Variants in DOCK3 observed in about 807,000 individuals in gnomAD.
DOCK3 encodes the protein dedicator of cytokinesis 3, also known as dedicator of cytokinesis protein 3.
DOCK3 carries 60 observed loss-of-function variants against 265.6 expected under a neutral mutation model. The observed-to-expected ratio is 0.23, with a 90% CI of 0.18 to 0.28. The LOEUF (loss-of-function observed/expected upper bound fraction) is 0.28, where lower values mean the gene tolerates loss of function less well. DOCK3 is among the 10% of genes least tolerant of loss of function. DOCK3 has a pLI of 1.00. For missense variants in DOCK3, 1,981 were observed against 2,594.3 expected (o/e 0.76, Z 5.14); for synonymous variants, 881 against 938.0 (o/e 0.94, Z 1.11).
At chr3:50,788,055 GTTC>G in intron 2 of DOCK3, 3 of 741,902 alleles carry the variant, frequency 4.0e-6, no homozygotes, top group South Asian at 1.7e-5. Context: ...AAATGTGGCT[GTTC>G]TTCTGTTTCA....
intron 1 of DOCK3, among the ~76,000 whole-genome samples, chr3:50,738,632 A>G (rs1196021940): frequency 6.6e-6 from 1 of 152,180 alleles, no homozygotes; most frequent in Non-Finnish European, 1.5e-5. Flanking sequence ...AGTGATTTGG[A>G]GGCATTATCC....
At chr3:50,779,044 T>C (rs2041770519) in intron 2 of DOCK3, among the ~76,000 whole-genome samples, 1 of 152,212 alleles carries the variant, frequency 6.6e-6, no homozygotes, top group Admixed American at 6.5e-5. Context: ...AGATATACAA[T>C]GTGTAATAAT....
intron 12 of DOCK3, among the ~76,000 whole-genome samples, chr3:51,168,762 A>G (rs544238616): frequency 1.3e-5 from 2 of 152,340 alleles, no homozygotes; most frequent in South Asian, 4.1e-4. Context: ...TAAACTAGAG[A>G]GTCTGCATGG....
intron 40 of DOCK3, 140 bp from the exon 41 acceptor site, chr3:51,354,742 A>C: frequency 7.6e-7 from 1 of 1,313,416 alleles, no homozygotes; most frequent in Middle Eastern, 2.1e-4. Flanking sequence ...CTTGAGTGCA[A>C]TGCCCTGTGC....
chr3:51,193,233 T>C (rs768772070), intron 12 of DOCK3, among the ~76,000 whole-genome samples: 2 of 152,258 alleles, frequency 1.3e-5, no homozygotes, highest in African/African-American at 4.8e-5. Flanking sequence ...GATTTACTTA[T>C]GTTGAACCAT....
chr3:51,074,721 C>T (rs2081993122), intron 6 of DOCK3, among the ~76,000 whole-genome samples: 1 of 152,010 alleles, frequency 6.6e-6, no homozygotes, highest in Admixed American at 6.6e-5. Flanking sequence ...ATAGCTAATA[C>T]ATTCTGGGCT....
intron 12 of DOCK3, among the ~76,000 whole-genome samples, chr3:51,180,027 G>A (rs923200938): frequency 2.0e-5 from 3 of 151,932 alleles, no homozygotes; most frequent in Non-Finnish European, 2.9e-5. Context: ...GGCCAACATG[G>A]CAAAACCCCA....
intron 38 of DOCK3, among the ~76,000 whole-genome samples, chr3:51,344,201 A>G (rs2085414502): frequency 6.6e-6 from 1 of 152,232 alleles, no homozygotes; most frequent in Non-Finnish European, 1.5e-5. Context: ...CTAATATGTA[A>G]TGTGCAAACA....
At chr3:50,890,110 T>C in intron 4 of DOCK3, 29 bp downstream of exon 4, 1 of 1,403,840 alleles carries the variant, frequency 7.1e-7, no homozygotes, top group Non-Finnish European at 9.2e-7. Flanking sequence ...TAAATTTATG[T>C]ACAATTTTTA....
intron 2 of DOCK3, among the ~76,000 whole-genome samples, chr3:50,814,695 C>A (rs997699972): frequency 3.9e-5 from 6 of 152,090 alleles, no homozygotes; most frequent in African/African-American, 1.2e-4. Context: ...TATAAAATGC[C>A]TTTTCTCTTT....
intron 1 of DOCK3, among the ~76,000 whole-genome samples, chr3:50,678,417 T>C (rs2034142767): frequency 6.6e-6 from 1 of 152,130 alleles, no homozygotes; most frequent in Admixed American, 6.6e-5. Context: ...GTACCCAGAG[T>C]ACCAAATATA....
At chr3:51,371,272 C>T (rs2087658692) in intron 49 of DOCK3, among the ~76,000 whole-genome samples, 1 of 152,174 alleles carries the variant, frequency 6.6e-6, no homozygotes, top group African/African-American at 2.4e-5. Context: ...CTGAGAGAAG[C>T]CCCTTCCCTT....
chr3:50,816,231 T>C (rs1325410118), intron 2 of DOCK3, among the ~76,000 whole-genome samples: 2 of 152,238 alleles, frequency 1.3e-5, no homozygotes, highest in East Asian at 3.9e-4. Flanking sequence ...GAATACTCAG[T>C]CTGGAAACTA....
intron 16 of DOCK3, 75 bp downstream of exon 16, chr3:51,227,520 AG>A: frequency 1.3e-6 from 2 of 1,568,688 alleles, no homozygotes; most frequent in South Asian, 2.4e-5. Flanking sequence ...AACAGAATTA[AG>A]TGGATTCTTA....
At chr3:50,710,234 A>G (rs948011391) in intron 1 of DOCK3, among the ~76,000 whole-genome samples, 2 of 152,220 alleles carry the variant, frequency 1.3e-5, no homozygotes, top group African/African-American at 2.4e-5. Context: ...CAGACAACCC[A>G]GAGAATAGGA....
chr3:50,770,271 A>G (rs2041192710), intron 1 of DOCK3, among the ~76,000 whole-genome samples: 1 of 152,238 alleles, frequency 6.6e-6, no homozygotes, highest in African/African-American at 2.4e-5. Context: ...TACAAAATCA[A>G]CATACAAAAG....
intron 23 of DOCK3, among the ~76,000 whole-genome samples, chr3:51,268,537 C>G (rs1052616386): frequency 6.6e-6 from 1 of 152,310 alleles, no homozygotes; most frequent in East Asian, 1.9e-4. Context: ...CAGACAGCCT[C>G]TCTCATGTCC....
intron 1 of DOCK3, among the ~76,000 whole-genome samples, chr3:50,747,080 GT>G (rs1265380074): frequency 6.6e-6 from 1 of 151,898 alleles, no homozygotes; most frequent in African/African-American, 2.4e-5. Context: ...CCACTGGATT[GT>G]TTTTGCATCT....
chr3:50,710,305 C>A (rs2036675387), intron 1 of DOCK3, among the ~76,000 whole-genome samples: 1 of 152,044 alleles, frequency 6.6e-6, no homozygotes, highest in Admixed American at 6.6e-5. Flanking sequence ...ACGAGGAACT[C>A]AAATCAGCAA....
Sources: allele counts gnomAD v4.1 joint callset (sites outside exome capture counted in the v4.1 genomes callset), GRCh38; gene constraint gnomAD v4.1.1; transcripts MANE v1.5; gene names NCBI Gene and HGNC (gene_info 2026-07-23, HGNC 2026-07-21).